UFSP2: variants seen among roughly 807,000 people sequenced by gnomAD.
The protein encoded by UFSP2 is ufm1-specific protease 2.
In UFSP2, 43 loss-of-function variants were observed where a neutral mutation model predicts 60.2. The observed-to-expected ratio is 0.71, with a 90% CI of 0.56 to 0.92. UFSP2 has a LOEUF of 0.92. UFSP2 is among the 40% of genes least tolerant of loss of function. UFSP2 has a pLI of 0.00. For missense variants in UFSP2, 520 were observed against 575.0 expected, an observed-to-expected ratio of 0.90 and a Z score of 0.98; for synonymous variants, 183 against 195.1, an observed-to-expected ratio of 0.94 and a Z score of 0.52.
intron 7 of UFSP2, among the ~76,000 whole-genome samples, chr4:185,409,324 T>G (rs2013121): frequency 6.6e-6 from 1 of 152,110 alleles, no homozygotes; most frequent in Non-Finnish European, 1.5e-5. Context: ...GTGCTAAGAA[T>G]GTATATGTCT....
intron 5 of UFSP2, 109 bp from the exon 6 acceptor site, chr4:185,415,456 G>A: frequency 1.0e-6 from 1 of 974,100 alleles, no homozygotes; most frequent in Non-Finnish European, 1.4e-6. Context: ...ATTGGACCAG[G>A]TTTGCTAAAG....
At chr4:185,402,332 C>T in intron 11 of UFSP2, 1 of 454,062 alleles carries the variant, frequency 2.2e-6, no homozygotes, top group South Asian at 1.6e-5. Context: ...TTATAGACTT[C>T]AAATTCCAAA....
At chr4:185,402,914 C>T (rs2095515013) in intron 11 of UFSP2, among the ~76,000 whole-genome samples, 1 of 152,172 alleles carries the variant, frequency 6.6e-6, no homozygotes, top group Non-Finnish European at 1.5e-5. Flanking sequence ...TTTTACAATA[C>T]TTTCTCCTAA....
intron 6 of UFSP2, 30 bp from the exon 7 acceptor site, chr4:185,413,902 A>T (rs181515584): frequency 6.4e-7 from 1 of 1,559,730 alleles, no homozygotes; most frequent in Non-Finnish European, 8.6e-7. Context: ...ACAGAAAAAG[A>T]AAAAATGTTG....
At chr4:185,421,693 C>T (rs143053884) in intron 2 of UFSP2, among the ~76,000 whole-genome samples, 393 of 152,308 alleles carry the variant, frequency 2.6e-3, no homozygotes, top group Middle Eastern at 0.014. Context: ...GACCCAGTCT[C>T]AGGTATTCCT....
intron 7 of UFSP2, among the ~76,000 whole-genome samples, chr4:185,412,854 C>CT (rs2095531787): frequency 6.6e-6 from 1 of 152,088 alleles, no homozygotes; most frequent in Admixed American, 6.6e-5. Flanking sequence ...TCTTGGATGC[C>CT]TTATAAGGTC....
chr4:185,421,341 G>T (rs1468353596), intron 2 of UFSP2, among the ~76,000 whole-genome samples: 4 of 152,196 alleles, frequency 2.6e-5, no homozygotes, highest in Non-Finnish European at 5.9e-5. Flanking sequence ...TTTGATGTCT[G>T]TCCCCTCCAA....
Position 185,422,385 on chromosome 4 carries a change from T to G in UFSP2, c.82+100A>C, listed in dbSNP as rs2095551008. 8 of 862,500 alleles carry G rather than the reference T, an allele frequency of 9.3e-6. No homozygotes were observed. The South Asian group carries it at 1.1e-4, about 12-fold the overall frequency. The allele number at this position is 862,500 out of a possible 1,614,324, so 53.4% of individuals were successfully genotyped here. On this transcript the variant is annotated intron_variant, in intron 2 of 11. Transcript: ENST00000264689. ...TACTTACTAACAATATAATCTTAGT[T>G]CATCCTATCTCTCTCTCAGTTTCAT...
chr4:185,405,886 A>G (rs1440101466), intron 9 of UFSP2, 30 bp from the exon 10 acceptor site: 22 of 1,613,856 alleles, frequency 1.4e-5, no homozygotes, highest in Non-Finnish European at 1.7e-5. Flanking sequence ...TATCAGATGA[A>G]CTACTTCCAA....
chr4:185,400,595 T>C, intron 11 of UFSP2, 117 bp from the exon 12 acceptor site: 1 of 610,006 alleles, frequency 1.6e-6, no homozygotes, highest in Non-Finnish European at 2.8e-6. Flanking sequence ...AATGGCTTTA[T>C]CATTCAAGGA....
intron 10 of UFSP2, among the ~76,000 whole-genome samples, chr4:185,403,988 C>CAAAA (rs1273508321): frequency 8.2e-6 from 1 of 121,436 alleles, no homozygotes; most frequent in Admixed American, 8.7e-5. Context: ...CAAAAAAAAA[C>CAAAA]AACATTACTT....
In UFSP2 at chr4:185,408,258, G is replaced by C; in HGVS notation, c.996+13C>G. The stretch of plus-strand genomic sequence containing the variant: ...ATACAGTTGATTATAATTTAAAACG[G>C]TATGTTCTGTACCTGCTGAATTTCT... On this transcript the variant is annotated intron_variant, in intron 8 of 11. Transcript: ENST00000264689. 6.2e-7 allele frequency: 1 copy of C among 1,612,216 alleles called. No individual in the cohort carries two copies. Among genetic ancestry groups the C allele is most frequent in the Non-Finnish European group, 8.5e-7 (1 of 1,178,618 alleles).
At chr4:185,419,012 T>C (rs2095544385) in intron 2 of UFSP2, among the ~76,000 whole-genome samples, 1 of 152,202 alleles carries the variant, frequency 6.6e-6, no homozygotes, top group Non-Finnish European at 1.5e-5. Context: ...TAAGGTTTCA[T>C]AATGATCACT....
At chr4:185,411,790 G>A (rs953535415) in intron 7 of UFSP2, among the ~76,000 whole-genome samples, 2 of 152,250 alleles carry the variant, frequency 1.3e-5, no homozygotes, top group African/African-American at 4.8e-5. Context: ...AAATCATAAA[G>A]ATAATTAACT....
At chr4:185,402,188 A>AAT (rs1283137626) in intron 11 of UFSP2, 2 of 380,654 alleles carry the variant, frequency 5.3e-6, no homozygotes, top group African/African-American at 2.1e-5. Context: ...AACCTCGTGT[A>AAT]ATACTAGTGC....
In UFSP2 at chr4:185,418,342, C is replaced by T; in HGVS notation, c.333+99G>A. The T allele has an allele frequency of 3.4e-6, 3 of 892,800 alleles. No homozygotes were observed. The South Asian group carries it at 5.5e-5, about 16-fold the overall frequency. 55.3% of individuals were successfully genotyped at this position (892,800 alleles called of 1,614,324 possible). On this transcript the variant is annotated intron_variant, in intron 4 of 11. Coordinates refer to ENST00000264689, the MANE Select transcript of UFSP2 (RefSeq NM_018359.5). Reference sequence around the variant, plus strand: ...ATCTTTTTGGACATCAATATTCTGACCTATGATAAGAGGGTTAAATTATTT... The same window carrying T: ...ATCTTTTTGGACATCAATATTCTGATCTATGATAAGAGGGTTAAATTATTT...
chr4:185,425,552 C>A (rs189692706), intron 1 of UFSP2, among the ~76,000 whole-genome samples: 1 of 152,290 alleles, frequency 6.6e-6, no homozygotes, highest in Non-Finnish European at 1.5e-5. Context: ...AAGAAAGTTG[C>A]GCCTGTCCCA....
intron 10 of UFSP2, among the ~76,000 whole-genome samples, chr4:185,404,281 T>C (rs1190546999): frequency 7.0e-6 from 1 of 143,870 alleles, no homozygotes; most frequent in East Asian, 2.1e-4. Flanking sequence ...GATATAGCAC[T>C]CCATTCATTA....
intron 11 of UFSP2, among the ~76,000 whole-genome samples, chr4:185,402,964 C>G (rs2095515059): frequency 6.6e-6 from 1 of 152,086 alleles, no homozygotes. Flanking sequence ...AATTAGTTGC[C>G]TATGAATTAA....
Sources: allele counts gnomAD v4.1 joint callset (sites outside exome capture counted in the v4.1 genomes callset), GRCh38; gene constraint gnomAD v4.1.1; transcripts MANE v1.5; gene names NCBI Gene and HGNC (gene_info 2026-07-23, HGNC 2026-07-21).